VAT1L: variants seen among roughly 807,000 people sequenced by gnomAD.
VAT1L encodes the protein putative NADPH-dependent quinone oxidoreductase VAT1L.
Under a neutral mutation model 44.1 loss-of-function variants are expected in VAT1L, and 34 were observed. That is an observed-to-expected ratio of 0.77 (90% confidence interval 0.59 to 1.03). The LOEUF (loss-of-function observed/expected upper bound fraction) is 1.03, where lower values mean the gene tolerates loss of function less well. VAT1L is among the 50% of genes least tolerant of loss of function. The pLI is 0.00. For missense variants in VAT1L, 615 were observed against 538.8 expected (o/e 1.14, Z -1.40); for synonymous variants, 253 against 202.2 (o/e 1.25, Z -2.13).
intron 1 of VAT1L, among the ~76,000 whole-genome samples, chr16:77,796,610 T>C (rs1005560944): frequency 1.3e-5 from 2 of 152,226 alleles, no homozygotes; most frequent in African/African-American, 2.4e-5. Context: ...TTACAAAGAC[T>C]AGCTAAGTGT....
At chr16:77,923,666 A>G (rs1428912512) in intron 7 of VAT1L, among the ~76,000 whole-genome samples, 1 of 152,150 alleles carries the variant, frequency 6.6e-6, no homozygotes, top group South Asian at 2.1e-4. Flanking sequence ...CAGTTTCCCA[A>G]TCTGTAAAGT....
At chr16:77,790,119 C>T (rs1352733691) in intron 1 of VAT1L, among the ~76,000 whole-genome samples, 1 of 152,138 alleles carries the variant, frequency 6.6e-6, no homozygotes, top group Admixed American at 6.5e-5. Context: ...ACGAGGGTCC[C>T]CTCCCGTTCA....
intron 7 of VAT1L, among the ~76,000 whole-genome samples, chr16:77,964,734 C>T (rs1288987151): frequency 1.3e-5 from 2 of 150,034 alleles, no homozygotes; most frequent in Non-Finnish European, 3.0e-5. Context: ...CAACCCCTCA[C>T]CATCTATTCT....
At chr16:77,930,443 T>C (rs2017716711) in intron 7 of VAT1L, among the ~76,000 whole-genome samples, 1 of 152,196 alleles carries the variant, frequency 6.6e-6, no homozygotes. Flanking sequence ...GCCCTGTCCT[T>C]TGAATGGCTC....
intron 4 of VAT1L, among the ~76,000 whole-genome samples, chr16:77,868,323 A>G (rs748109509): frequency 1.4e-4 from 22 of 152,196 alleles, no homozygotes; most frequent in Non-Finnish European, 2.5e-4. Flanking sequence ...TACCATCTAT[A>G]TTAGTGAGGC....
chr16:77,953,775 C>A (rs2018071819), intron 7 of VAT1L, among the ~76,000 whole-genome samples: 1 of 152,146 alleles, frequency 6.6e-6, no homozygotes, highest in Non-Finnish European at 1.5e-5. Context: ...AGATTATGGG[C>A]ATGAGCCATC....
At chr16:77,790,613 A>T (rs557719878) in intron 1 of VAT1L, among the ~76,000 whole-genome samples, 2 of 152,182 alleles carry the variant, frequency 1.3e-5, no homozygotes, top group African/African-American at 4.8e-5. Flanking sequence ...TTACCTGTAT[A>T]CACACACCTA....
At chr16:77,961,749 G>C (rs749564514) in intron 7 of VAT1L, among the ~76,000 whole-genome samples, 1 of 152,100 alleles carries the variant, frequency 6.6e-6, no homozygotes, top group Non-Finnish European at 1.5e-5. Context: ...AGGTCTAATG[G>C]AAAAGCCTGG....
intron 1 of VAT1L, among the ~76,000 whole-genome samples, chr16:77,808,053 G>C (rs2016195716): frequency 6.6e-6 from 1 of 151,806 alleles, no homozygotes; most frequent in Admixed American, 6.6e-5. Flanking sequence ...ACCAGTACTG[G>C]TCTGTGGCCT....
chr16:77,945,423 AT>A (rs1207384452), intron 7 of VAT1L, among the ~76,000 whole-genome samples: 2 of 151,916 alleles, frequency 1.3e-5, no homozygotes, highest in East Asian at 3.9e-4. Context: ...AGTAACTGCG[AT>A]TACAGGCACT....
intron 7 of VAT1L, among the ~76,000 whole-genome samples, chr16:77,955,652 G>T (rs866531115): frequency 1.2e-4 from 18 of 151,616 alleles, no homozygotes; most frequent in Middle Eastern, 3.4e-3. Flanking sequence ...TTGAACCTGG[G>T]AAGTGGAGGT....
At chr16:77,871,613 T>G (rs947417831) in intron 4 of VAT1L, among the ~76,000 whole-genome samples, 6 of 151,952 alleles carry the variant, frequency 3.9e-5, no homozygotes, top group African/African-American at 1.5e-4. Context: ...GGCCCAGGGG[T>G]GAGTCACCTG....
intron 7 of VAT1L, among the ~76,000 whole-genome samples, chr16:77,921,565 A>T (rs2017612324): frequency 6.6e-6 from 1 of 152,170 alleles, no homozygotes; most frequent in East Asian, 1.9e-4. Flanking sequence ...ACTCTCCTGT[A>T]AACCTATGCA....
At chr16:77,850,935 G>T (rs2016802953) in intron 3 of VAT1L, among the ~76,000 whole-genome samples, 1 of 152,208 alleles carries the variant, frequency 6.6e-6, no homozygotes, top group Non-Finnish European at 1.5e-5. Context: ...CAGTGTGTCA[G>T]TCTGTGGGCT....
At chr16:77,836,454 C>T (rs923478189) in intron 3 of VAT1L, among the ~76,000 whole-genome samples, 1 of 152,190 alleles carries the variant, frequency 6.6e-6, no homozygotes, top group South Asian at 2.1e-4. Context: ...GGATTAACTG[C>T]ATCTGCACAT....
rs373783779 is a variant in VAT1L at position 77,959,195 on chromosome 16, C to G, written c.1078-12655C>G. Among the ~76,000 whole-genome samples, 12 of 152,274 alleles carry G rather than the reference C, an allele frequency of 7.9e-5. No homozygotes were observed. In the East Asian group the frequency reaches 2.3e-3, roughly 29 times the overall value. On this transcript the variant is annotated intron_variant, in intron 7 of 8. Transcript: ENST00000302536. Reference sequence around the variant, plus strand: ...AACATGCAGCTGCTCTAAAAAGGAGCTGAGTGTTTGAATCCTTTCTCTACC... The same window carrying G: ...AACATGCAGCTGCTCTAAAAAGGAGGTGAGTGTTTGAATCCTTTCTCTACC...
Position 77,879,859 on chromosome 16 carries a change from G to A in VAT1L, c.882+635G>A, listed in dbSNP as rs572489198. Among the ~76,000 whole-genome samples the A allele has an allele frequency of 6.4e-4, 98 of 152,252 alleles. 1 individual carries two copies. Among genetic ancestry groups the A allele is most frequent in the Middle Eastern group, 3.4e-3 (1 of 294 alleles). Reference sequence around the variant, plus strand: ...GTGCATTTTCTTTGCTCCATAGAGCGGCCAGCCTTTCACTTTGCTACTTTC... The same window carrying A: ...GTGCATTTTCTTTGCTCCATAGAGCAGCCAGCCTTTCACTTTGCTACTTTC... On this transcript the variant is annotated intron_variant, in intron 6 of 8. Coordinates refer to ENST00000302536, the MANE Select transcript of VAT1L (RefSeq NM_020927.3). The surrounding 1 kb of genome is among the most constrained non-coding windows in gnomAD (Gnocchi z 4.1).
chr16:77,938,258 G>T (rs2017828246), intron 7 of VAT1L, among the ~76,000 whole-genome samples: 1 of 152,154 alleles, frequency 6.6e-6, no homozygotes, highest in Admixed American at 6.5e-5. Flanking sequence ...TCCCTTGCCT[G>T]CTGGATCCTG....
intron 3 of VAT1L, among the ~76,000 whole-genome samples, chr16:77,852,002 C>A (rs1190392214): frequency 6.6e-6 from 1 of 152,178 alleles, no homozygotes; most frequent in African/African-American, 2.4e-5. Context: ...TCTGTTCCTG[C>A]GTGTTCAAGG....
Sources: allele counts gnomAD v4.1 joint callset (sites outside exome capture counted in the v4.1 genomes callset), GRCh38; gene constraint gnomAD v4.1.1; non-coding constraint Gnocchi (gnomAD v3.1); transcripts MANE v1.5; gene names NCBI Gene and HGNC (gene_info 2026-07-23, HGNC 2026-07-21).